KCNMA1: variants seen among roughly 807,000 people sequenced by gnomAD.
KCNMA1 encodes the protein Calcium-activated potassium channel subunit alpha-1.
In KCNMA1, 29 loss-of-function variants were observed where a neutral mutation model predicts 140.0. The observed-to-expected ratio is 0.21, with a 90% CI of 0.15 to 0.28. The LOEUF (loss-of-function observed/expected upper bound fraction) is 0.28, where lower values mean the gene tolerates loss of function less well. Ranked by LOEUF, KCNMA1 falls within the 10% of genes least tolerant of loss-of-function variation. The pLI is 1.00. For missense variants in KCNMA1, 880 were observed against 1,602.2 expected (o/e 0.55, Z 7.70); for synonymous variants, 612 against 611.9 (o/e 1.00, Z 0.00).
intron 14 of KCNMA1, among the ~76,000 whole-genome samples, chr10:77,051,667 A>T (rs888021679): frequency 2.6e-5 from 4 of 152,150 alleles, no homozygotes; most frequent in African/African-American, 9.7e-5. Context: ...CATGATCCTG[A>T]GTGCTCACTG....
chr10:77,214,750 C>T (rs1205712426), intron 3 of KCNMA1, among the ~76,000 whole-genome samples: 1 of 152,178 alleles, frequency 6.6e-6, no homozygotes, highest in African/African-American at 2.4e-5. Flanking sequence ...TTGGCCACTC[C>T]CTCTGCCTGA....
At chr10:76,968,662 A>T (rs1285579546) in intron 20 of KCNMA1, among the ~76,000 whole-genome samples, 1 of 152,224 alleles carries the variant, frequency 6.6e-6, no homozygotes, top group African/African-American at 2.4e-5. Flanking sequence ...CAGTTGGCAC[A>T]TTTTATTCCT....
intron 9 of KCNMA1, among the ~76,000 whole-genome samples, chr10:77,101,318 C>A (rs775642114): frequency 6.6e-6 from 1 of 152,162 alleles, no homozygotes; most frequent in Admixed American, 6.5e-5. Context: ...AGTATTAGGG[C>A]AAGCTCATTT....
intron 14 of KCNMA1, among the ~76,000 whole-genome samples, chr10:77,068,968 C>T (rs2096073549): frequency 6.6e-6 from 1 of 151,660 alleles, no homozygotes; most frequent in Non-Finnish European, 1.5e-5. Flanking sequence ...GATGGCAGGC[C>T]ATGCCCCAAC....
chr10:77,072,987 C>A lies in KCNMA1; in HGVS notation c.1749+110G>T, dbSNP rs1425642259. ...CCGTAACAAGGAATTTCTCCTTAAC[C>A]CAAGTGGTTAGAGCCCGTCGATCTG... On this transcript the variant is annotated intron_variant, in intron 14 of 27. Coordinates refer to ENST00000286628, the MANE Select transcript of KCNMA1 (RefSeq NM_001161352.2). The A allele has an allele frequency of 5.8e-6, 6 of 1,029,252 alleles. No individual in the cohort carries two copies. The Admixed American group carries it at 1.1e-4, about 18-fold the overall frequency. The allele number at this position is 1,029,252 out of a possible 1,614,324, so 63.8% of individuals were successfully genotyped here. A position where few individuals can be genotyped will look rare whatever the true frequency, so the allele number is the denominator to read the frequency against.
intron 5 of KCNMA1, among the ~76,000 whole-genome samples, chr10:77,136,712 T>C (rs1238846501): frequency 1.3e-5 from 2 of 152,106 alleles, no homozygotes; most frequent in Non-Finnish European, 2.9e-5. Context: ...ACAGTGGCCA[T>C]GTTACAAAGG....
intron 20 of KCNMA1, among the ~76,000 whole-genome samples, chr10:76,965,573 T>C (rs2073577064): frequency 6.6e-6 from 1 of 152,184 alleles, no homozygotes; most frequent in Admixed American, 6.5e-5. Flanking sequence ...GGTGCCAGAA[T>C]ACTCTTACAT....
At chr10:77,020,851 T>C (rs2092752845) in intron 16 of KCNMA1, 3 of 152,160 alleles carry the variant, frequency 2.0e-5, no homozygotes, top group Admixed American at 1.3e-4. Flanking sequence ...ATTCCAACAC[T>C]ACCACTTAAT....
At chr10:77,166,216 C>T (rs2098640506) in intron 5 of KCNMA1, among the ~76,000 whole-genome samples, 2 of 152,138 alleles carry the variant, frequency 1.3e-5, no homozygotes, top group East Asian at 1.9e-4. Context: ...AGTCCTCTGA[C>T]CATGTGCACG....
At chr10:76,944,659 T>A in intron 23 of KCNMA1, 114 bp downstream of exon 23, 1 of 975,752 alleles carries the variant, frequency 1.0e-6, no homozygotes, top group South Asian at 1.3e-5. Flanking sequence ...ACCGCAGGTT[T>A]CACTGCCAGG....
chr10:76,986,702 C>T (rs944413451), intron 19 of KCNMA1, among the ~76,000 whole-genome samples: 1 of 152,226 alleles, frequency 6.6e-6, no homozygotes, highest in African/African-American at 2.4e-5. Context: ...GGTGCACACC[C>T]TGCCTTAAAT....
chr10:77,560,857 T>C (rs2673462), intron 1 of KCNMA1, among the ~76,000 whole-genome samples: 110,194 of 152,040 alleles, frequency 0.72, 40,438 homozygotes, highest in South Asian at 0.86. Flanking sequence ...TGGGACTTTA[T>C]AATAAACTTG....
chr10:76,967,783 G>C (rs2074520335), intron 20 of KCNMA1, among the ~76,000 whole-genome samples: 1 of 152,160 alleles, frequency 6.6e-6, no homozygotes, highest in Admixed American at 6.5e-5. Context: ...AGAAGCCCGA[G>C]TTCTGTAGCT....
chr10:77,318,292 C>T (rs576464085), intron 2 of KCNMA1, among the ~76,000 whole-genome samples: 14 of 152,272 alleles, frequency 9.2e-5, no homozygotes, highest in African/African-American at 2.9e-4. Flanking sequence ...GCACTGTGAT[C>T]GCCAATTTAC....
chr10:76,878,377 T>C (rs1472168429), intron 29 of KCNMA1, among the ~76,000 whole-genome samples: 1 of 152,182 alleles, frequency 6.6e-6, no homozygotes, highest in African/African-American at 2.4e-5. Flanking sequence ...TCCCAGCCTT[T>C]TCTTGGCTTT....
At chr10:76,896,553 A>C (rs941896284) in intron 25 of KCNMA1, among the ~76,000 whole-genome samples, 1 of 152,238 alleles carries the variant, frequency 6.6e-6, no homozygotes, top group African/African-American at 2.4e-5. Flanking sequence ...AATTATTAAG[A>C]GTACTGATTG....
chr10:77,618,446 G>A (rs1042916182), intron 1 of KCNMA1, among the ~76,000 whole-genome samples: 3 of 152,190 alleles, frequency 2.0e-5, no homozygotes, highest in African/African-American at 4.8e-5. Context: ...AACCAGCAGC[G>A]TGGTGTGGTA....
intron 5 of KCNMA1, among the ~76,000 whole-genome samples, chr10:77,138,135 T>A (rs1054882360): frequency 1.3e-5 from 2 of 152,222 alleles, no homozygotes; most frequent in Non-Finnish European, 2.9e-5. Flanking sequence ...TGGTTCCAGA[T>A]GCTGCAGCAC....
chr10:77,164,965 A>C (rs1294970431), intron 5 of KCNMA1, among the ~76,000 whole-genome samples: 3 of 152,166 alleles, frequency 2.0e-5, no homozygotes, highest in Non-Finnish European at 4.4e-5. Context: ...GCTGAGATGA[A>C]GACCAGCCAG....
Sources: allele counts gnomAD v4.1 joint callset (sites outside exome capture counted in the v4.1 genomes callset), GRCh38; gene constraint gnomAD v4.1.1; transcripts MANE v1.5; gene names NCBI Gene and HGNC (gene_info 2026-07-23, HGNC 2026-07-21).